The following IKZF2 variants were observed in gnomAD, a reference collection of about 807,000 sequenced individuals.
The protein encoded by IKZF2 is zinc finger protein Helios.
IKZF2 carries 15 observed loss-of-function variants against 49.2 expected under a neutral mutation model. The ratio of observed to expected loss-of-function variants is 0.30; its 90% CI spans 0.20 to 0.47. IKZF2 has a LOEUF of 0.47. IKZF2 is among the 20% of genes least tolerant of loss of function. The pLI, the probability that IKZF2 is intolerant of heterozygous loss-of-function variation, is 1.00. For synonymous variants in IKZF2, 227 were observed against 221.4 expected (o/e 1.03, Z -0.23); for missense variants, 567 against 664.6 (o/e 0.85, Z 1.61).
At chr2:213,145,580 CCT>C (rs1191502957) in intron 4 of IKZF2, among the ~76,000 whole-genome samples, 1 of 151,936 alleles carries the variant, frequency 6.6e-6, no homozygotes, top group African/African-American at 2.4e-5. Flanking sequence ...GACGAGAGTT[CCT>C]CTCTATCACT....
At position 213,003,079 on chromosome 2, in the gene IKZF2, G is replaced by A. The variant is rs1695040326; in HGVS notation, c.*4281C>T. On this transcript the variant is annotated 3_prime_UTR_variant, in exon 9 of 9. Coordinates refer to ENST00000434687, the MANE Select transcript of IKZF2 (RefSeq NM_001387220.1). ...CTATTAGAAATTGCTCTAAAGATTT[G>A]CACTAAAAATGCAGAGATGAATTAT... 6.6e-6 allele frequency: 1 copy of A among 151,838 alleles called. No homozygotes were observed. Among genetic ancestry groups the A allele is most frequent in the Non-Finnish European group, 1.5e-5 (1 of 67,590 alleles). 9.4% of individuals were successfully genotyped at this position (151,838 alleles called of 1,614,324 possible).
intron 4 of IKZF2, among the ~76,000 whole-genome samples, chr2:213,110,968 T>C (rs1363517667): frequency 6.6e-6 from 1 of 152,036 alleles, no homozygotes; most frequent in Non-Finnish European, 1.5e-5. Flanking sequence ...AAATTTCTAT[T>C]AGATACTTAC....
chr2:213,024,542 G>T (rs2125128538), intron 6 of IKZF2, among the ~76,000 whole-genome samples: 1 of 152,262 alleles, frequency 6.6e-6, no homozygotes, highest in Middle Eastern at 3.4e-3. Context: ...GTTTGAAAAG[G>T]TTGAACAAGA....
Position 213,002,187 on chromosome 2 carries a change from C to T in IKZF2, c.*5173G>A, listed in dbSNP as rs2124947469. On this transcript the variant is annotated 3_prime_UTR_variant, in exon 9 of 9. Transcript: ENST00000434687. ...ATTTTATTCACAATAAAAAGGACATCTTAGAAAACTAGTCATTCATGTACC... is the reference window on the plus strand; with the variant it reads ...ATTTTATTCACAATAAAAAGGACATTTTAGAAAACTAGTCATTCATGTACC... The T allele has an allele frequency of 6.6e-6, 1 of 151,530 alleles. No individual in the cohort carries two copies. Among genetic ancestry groups the T allele is most frequent in the South Asian group, 2.1e-4 (1 of 4,824 alleles). The allele number at this position is 151,530 out of a possible 1,614,324, so 9.4% of individuals were successfully genotyped here.
intron 4 of IKZF2, among the ~76,000 whole-genome samples, chr2:213,124,830 A>G (rs2060207042): frequency 6.6e-6 from 1 of 152,242 alleles, no homozygotes; most frequent in South Asian, 2.1e-4. Context: ...TTGAAATAGG[A>G]AAGAAAAAGA....
intron 6 of IKZF2, among the ~76,000 whole-genome samples, chr2:213,039,876 TA>T (rs1229710877): frequency 6.6e-6 from 1 of 152,112 alleles, no homozygotes; most frequent in East Asian, 1.9e-4. Flanking sequence ...TTCCTTTACT[TA>T]TTTTCTTACT....
chr2:213,021,716 A>T, intron 7 of IKZF2: 1 of 503,428 alleles, frequency 2.0e-6, no homozygotes, highest in Non-Finnish European at 3.8e-6. Flanking sequence ...ATCAGCTCTA[A>T]CTATCTGGTT....
At chr2:213,077,602 T>C (rs1332005955) in intron 4 of IKZF2, among the ~76,000 whole-genome samples, 1 of 144,764 alleles carries the variant, frequency 6.9e-6, no homozygotes, top group Non-Finnish European at 1.5e-5. Flanking sequence ...TTTTTTTTTT[T>C]TTTGAGACAG....
intron 8 of IKZF2, among the ~76,000 whole-genome samples, chr2:213,013,054 G>C (rs758434343): frequency 6.6e-6 from 1 of 151,760 alleles, no homozygotes; most frequent in Non-Finnish European, 1.5e-5. Flanking sequence ...AATATCTAAG[G>C]GTTCGGAAAT....
chr2:213,044,514 T>C (rs773976222), intron 6 of IKZF2, among the ~76,000 whole-genome samples: 2 of 152,218 alleles, frequency 1.3e-5, no homozygotes, highest in Non-Finnish European at 2.9e-5. Context: ...CCAAGGCATG[T>C]GCTGGCAAGA....
At chr2:213,024,973 A>G (rs1697662787) in intron 6 of IKZF2, among the ~76,000 whole-genome samples, 1 of 152,082 alleles carries the variant, frequency 6.6e-6, no homozygotes, top group South Asian at 2.1e-4. Context: ...CTTTATTTTT[A>G]TAATAGTTAT....
intron 5 of IKZF2, 103 bp from the exon 6 acceptor site, chr2:213,049,983 T>C: frequency 1.4e-6 from 1 of 728,968 alleles, no homozygotes; most frequent in Non-Finnish European, 2.0e-6. Context: ...CTAAAAATGT[T>C]CATCTCCCTC....
In IKZF2 at chr2:213,106,122, C is replaced by T. The variant is rs1356143086; in HGVS notation, c.139+41586G>A. Among the ~76,000 whole-genome samples the T allele has an allele frequency of 3.9e-5, 6 of 152,038 alleles. No individual in the cohort carries two copies. In the East Asian group the frequency reaches 1.2e-3, roughly 29 times the overall value. On this transcript the variant is annotated intron_variant, in intron 4 of 8. Coordinates refer to ENST00000434687, the MANE Select transcript of IKZF2 (RefSeq NM_001387220.1). ...TGTCTTTATTTAAATTGTCAGACTT[C>T]ATGATTAGCTATTTCTCTTTTTAAA...
chr2:213,118,907 G>T (rs988386927), intron 4 of IKZF2, among the ~76,000 whole-genome samples: 3 of 152,116 alleles, frequency 2.0e-5, no homozygotes, highest in Admixed American at 1.3e-4. Context: ...TACTACTATG[G>T]CTTGGGAACC....
chr2:213,082,409 T>C lies in IKZF2; in HGVS notation c.140-25310A>G, dbSNP rs142945782. On this transcript the variant is annotated intron_variant, in intron 4 of 8. Transcript: ENST00000434687. The stretch of plus-strand genomic sequence containing the variant: ...TTCTTTTATAAACCAATGTACTTTT[T>C]ACTAGCTTATCCTGTGATGTTATAT... Among the ~76,000 whole-genome samples the C allele has an allele frequency of 2.4e-4, 37 of 152,350 alleles. No homozygotes were observed. The East Asian group carries it at 6.2e-3, about 25-fold the overall frequency.
intron 4 of IKZF2, among the ~76,000 whole-genome samples, chr2:213,127,831 T>A (rs750109685): frequency 9.2e-5 from 14 of 152,258 alleles, no homozygotes; most frequent in Non-Finnish European, 1.6e-4. Flanking sequence ...ATTAACTAAC[T>A]TAAGAATACA....
At chr2:213,099,661 T>C (rs1049844423) in intron 4 of IKZF2, among the ~76,000 whole-genome samples, 1 of 152,076 alleles carries the variant, frequency 6.6e-6, no homozygotes, top group African/African-American at 2.4e-5. Context: ...ACCTCCTCAT[T>C]TAAAAGAAAA....
intron 6 of IKZF2, among the ~76,000 whole-genome samples, chr2:213,024,018 G>A (rs1394940009): frequency 6.6e-6 from 1 of 152,142 alleles, no homozygotes; most frequent in African/African-American, 2.4e-5. Context: ...GAAGAGACAT[G>A]TAGTTTTTAT....
chr2:213,113,021 G>C (rs2059764444), intron 4 of IKZF2, among the ~76,000 whole-genome samples: 1 of 152,070 alleles, frequency 6.6e-6, no homozygotes, highest in African/African-American at 2.4e-5. Flanking sequence ...AAAAACTGTG[G>C]AGAAATCATT....
Sources: allele counts gnomAD v4.1 joint callset (sites outside exome capture counted in the v4.1 genomes callset), GRCh38; gene constraint gnomAD v4.1.1; transcripts MANE v1.5; gene names NCBI Gene and HGNC (gene_info 2026-07-23, HGNC 2026-07-21).